TTPAL: variants seen among roughly 807,000 people sequenced by gnomAD.
TTPAL encodes alpha-tocopherol transfer protein-like.
TTPAL carries 21 observed loss-of-function variants against 28.7 expected under a neutral mutation model. That is an observed-to-expected ratio of 0.73 (90% confidence interval 0.52 to 1.06). The LOEUF (loss-of-function observed/expected upper bound fraction) is 1.06, where lower values mean the gene tolerates loss of function less well. Among genes scored for constraint, TTPAL ranks in the 50% least tolerant of loss-of-function variants. The pLI is 0.00. For synonymous variants in TTPAL, 169 were observed against 171.9 expected (o/e 0.98, Z 0.13); for missense variants, 345 against 425.5 (o/e 0.81, Z 1.67).
At chr20:44,481,481 A>G (rs1236764602) in intron 2 of TTPAL, among the ~76,000 whole-genome samples, 1 of 152,180 alleles carries the variant, frequency 6.6e-6, no homozygotes, top group African/African-American at 2.4e-5. Context: ...GTTCTCTTCC[A>G]TGACACCAAA....
At position 44,491,342 on chromosome 20, in the gene TTPAL, C is replaced by G. The variant is rs1481765586; in HGVS notation, c.*1801C>G. ...GACCTATTTCCTTTCTAATGTATTC[C>G]ACATGATCATGGTGTTAAATAGTGA... On this transcript the variant is annotated 3_prime_UTR_variant, in exon 5 of 5. Coordinates refer to ENST00000262605, the MANE Select transcript of TTPAL (RefSeq NM_001039199.3). 6.6e-6 allele frequency: 1 copy of G among 152,102 alleles called. No individual in the cohort carries two copies. The highest frequency in any genetic ancestry group is 2.4e-5 in the African/African-American group (1 of 41,344). The allele number at this position is 152,102 out of a possible 1,614,324, so 9.4% of individuals were successfully genotyped here. A position where few individuals can be genotyped will look rare whatever the true frequency, so the allele number is the denominator to read the frequency against.
chr20:44,479,409 T>TC (rs2064079692), intron 1 of TTPAL, among the ~76,000 whole-genome samples: 1 of 86,274 alleles, frequency 1.2e-5, no homozygotes, highest in East Asian at 6.2e-4. Flanking sequence ...GTTTTTTTTT[T>TC]TTTTTTTTTT....
chr20:44,483,194 C>T (rs112023372), intron 2 of TTPAL, among the ~76,000 whole-genome samples: 3,546 of 152,236 alleles, frequency 0.023, 147 homozygotes, highest in African/African-American at 0.081. Flanking sequence ...AGCCAACTCA[C>T]GTTAGCTGAA....
rs1050800424 is a variant in TTPAL at position 44,480,016 on chromosome 20, ACT to A, written c.22_23del (p.Leu8GlufsTer11). The A allele has an allele frequency of 2.5e-6, 4 of 1,612,894 alleles. No homozygotes were observed. Among genetic ancestry groups the A allele is most frequent in the Non-Finnish European group, 3.4e-6 (4 of 1,179,278 alleles). ...TGGTAGCTAATGTCCGAAGAAAGTGACTCTCTGAGAACCAGCCCTTCTGTGGC... is the reference window on the plus strand; with the variant it reads ...TGGTAGCTAATGTCCGAAGAAAGTGACTCTGAGAACCAGCCCTTCTGTGGC... On this transcript the variant is annotated frameshift_variant, in exon 2 of 5. Coordinates refer to ENST00000262605, the MANE Select transcript of TTPAL (RefSeq NM_001039199.3). LOFTEE classifies it high-confidence loss of function. This position sits in a 1 kb window ranked among gnomAD's most constrained non-coding sequence, Gnocchi z 4.1.
chr20:44,482,959 G>C (rs1003950371), intron 2 of TTPAL, among the ~76,000 whole-genome samples: 2 of 152,072 alleles, frequency 1.3e-5, no homozygotes, highest in South Asian at 2.1e-4. Context: ...CTGGGTTCAA[G>C]TGATTCTCCT....
intron 1 of TTPAL, among the ~76,000 whole-genome samples, chr20:44,479,479 A>G (rs528970659): frequency 7.8e-5 from 11 of 140,378 alleles, no homozygotes; most frequent in Middle Eastern, 3.7e-3. Flanking sequence ...GCTCACTGCA[A>G]CCTCCACGTC....
chr20:44,491,456 C>T lies in TTPAL; in HGVS notation c.*1915C>T, dbSNP rs560451536. 2.6e-4 allele frequency: 39 copies of T among 152,426 alleles called. No homozygotes were observed. Among genetic ancestry groups the T allele is most frequent in the African/African-American group, 9.4e-4 (39 of 41,562 alleles). The allele number at this position is 152,426 out of a possible 1,614,324, so 9.4% of individuals were successfully genotyped here. On this transcript the variant is annotated 3_prime_UTR_variant, in exon 5 of 5. Coordinates refer to ENST00000262605, the MANE Select transcript of TTPAL (RefSeq NM_001039199.3). Reference sequence around the variant, plus strand: ...GCTCAGTTAGGGAGAAAACAATACTCTGAAATTTGAAGGCCAATCTGTTGT... The same window carrying T: ...GCTCAGTTAGGGAGAAAACAATACTTTGAAATTTGAAGGCCAATCTGTTGT...
rs149261230 is a variant in TTPAL at position 44,489,854 on chromosome 20, A to G, written c.*313A>G. ...GGGGGTGGTGATCTGGTTCTTACAC[A>G]TCTTGGAAGCAAGAACAATCAGGAC... is the stretch of plus-strand genomic sequence containing the variant. On this transcript the variant is annotated 3_prime_UTR_variant, in exon 5 of 5. Transcript: ENST00000262605. The G allele has an allele frequency of 1.4e-4, 39 of 277,718 alleles. 1 individual carries two copies. Among genetic ancestry groups the G allele is most frequent in the Non-Finnish European group, 2.4e-4 (35 of 146,246 alleles). 17.2% of individuals were successfully genotyped at this position (277,718 alleles called of 1,614,324 possible).
Position 44,490,460 on chromosome 20 carries a change from T to C in TTPAL, c.*919T>C, listed in dbSNP as rs1242304529. 6.6e-6 allele frequency: 1 copy of C among 152,344 alleles called. No homozygotes were observed. The highest frequency in any genetic ancestry group is 1.5e-5 in the Non-Finnish European group (1 of 68,036). 9.4% of individuals were successfully genotyped at this position (152,344 alleles called of 1,614,324 possible). ...GCTGAGGCTCTGGGATTTGGTTTAG[T>C]TACTGAATGTTAGATTTTCTGCCTA... On this transcript the variant is annotated 3_prime_UTR_variant, in exon 5 of 5. Coordinates refer to ENST00000262605, the MANE Select transcript of TTPAL (RefSeq NM_001039199.3).
intron 1 of TTPAL, chr20:44,478,754 AAT>A (rs1020740980): frequency 6.6e-6 from 1 of 152,216 alleles, no homozygotes; most frequent in Admixed American, 6.5e-5. Flanking sequence ...TTGCTTTTTT[AAT>A]ATGTCAATTC....
At chr20:44,488,737 C>T (rs80027527) in intron 4 of TTPAL, among the ~76,000 whole-genome samples, 1,741 of 152,198 alleles carry the variant, frequency 0.011, 42 homozygotes, top group African/African-American at 0.04. Context: ...GGAGCCTGTC[C>T]GGCATGCTGG....
At chr20:44,485,593 T>C (rs1006870797) in intron 3 of TTPAL, among the ~76,000 whole-genome samples, 6 of 152,056 alleles carry the variant, frequency 3.9e-5, no homozygotes, top group Non-Finnish European at 8.8e-5. Flanking sequence ...ACCAGGTTTA[T>C]TATTTAAATA....
At position 44,486,708 on chromosome 20, in the gene TTPAL, T is replaced by G; in HGVS notation, c.750+2T>G. The G allele has an allele frequency of 1.3e-6, 2 of 1,526,756 alleles. No individual in the cohort carries two copies. Among genetic ancestry groups the G allele is most frequent in the Non-Finnish European group, 1.8e-6 (2 of 1,102,600 alleles). 94.6% of individuals were successfully genotyped at this position (1,526,756 alleles called of 1,614,324 possible). On this transcript the variant is annotated splice_donor_variant, in intron 4 of 4. Transcript: ENST00000262605. LOFTEE classifies it high-confidence loss of function. ...CTAAAGGAGAAAATAGCAAACAGAG[T>G]AAGTGATGATCCTATTGACTTCAGA...
intron 4 of TTPAL, among the ~76,000 whole-genome samples, chr20:44,487,842 C>T (rs2064166350): frequency 6.6e-6 from 1 of 152,224 alleles, no homozygotes. Flanking sequence ...GATCTCAGCT[C>T]ACTGCAACCC....
intron 1 of TTPAL, among the ~76,000 whole-genome samples, chr20:44,478,115 T>A (rs938755999): frequency 2.6e-5 from 4 of 152,150 alleles, no homozygotes; most frequent in Non-Finnish European, 5.9e-5. Flanking sequence ...CAAGACCCTG[T>A]CTCTCTCTTA....
At chr20:44,485,364 G>A (rs763573734) in intron 3 of TTPAL, among the ~76,000 whole-genome samples, 5 of 152,124 alleles carry the variant, frequency 3.3e-5, no homozygotes, top group Non-Finnish European at 5.9e-5. Context: ...GTCCCTCAGC[G>A]AATCCTCTGA....
At chr20:44,481,630 C>T (rs1433523939) in intron 2 of TTPAL, among the ~76,000 whole-genome samples, 2 of 152,180 alleles carry the variant, frequency 1.3e-5, no homozygotes, top group Non-Finnish European at 1.5e-5. Context: ...ACTAATAGCC[C>T]TCTTTCGCTC....
intron 3 of TTPAL, among the ~76,000 whole-genome samples, chr20:44,484,825 C>T (rs1227436740): frequency 1.3e-5 from 2 of 152,068 alleles, no homozygotes; most frequent in Non-Finnish European, 2.9e-5. Context: ...TCATAACAAA[C>T]AAAACTGGCT....
chr20:44,478,801 G>C (rs1568766555), intron 1 of TTPAL, among the ~76,000 whole-genome samples: 2 of 152,004 alleles, frequency 1.3e-5, no homozygotes, highest in Admixed American at 1.3e-4. Context: ...TTTTTTGTTT[G>C]TTTGTTTTGA....
Sources: gnomAD v4.1 joint callset for allele counts (sites outside exome capture counted in the v4.1 genomes callset) on GRCh38, gnomAD v4.1.1 for gene constraint, Gnocchi (gnomAD v3.1) non-coding constraint, MANE v1.5 for transcripts, NCBI Gene and HGNC (gene_info 2026-07-23, HGNC 2026-07-21) for gene names.